SCMH1: variants seen among roughly 807,000 people sequenced by gnomAD.
The protein encoded by SCMH1 is Scm polycomb group protein homolog 1, also known as polycomb protein SCMH1.
In SCMH1, 37 loss-of-function variants were observed where a neutral mutation model predicts 70.8. The ratio of observed to expected loss-of-function variants is 0.52; its 90% confidence interval spans 0.40 to 0.69. The LOEUF (loss-of-function observed/expected upper bound fraction) is 0.69, where lower values mean the gene tolerates loss of function less well. SCMH1 is among the 30% of genes least tolerant of loss of function. SCMH1 has a pLI of 0.00. For missense variants in SCMH1, 607 were observed against 827.3 expected (o/e 0.73, Z 3.27); for synonymous variants, 292 against 307.4 (o/e 0.95, Z 0.52).
chr1:41,155,414 A>C (rs1308336896), intron 4 of SCMH1, among the ~76,000 whole-genome samples: 1 of 152,120 alleles, frequency 6.6e-6, no homozygotes, highest in African/African-American at 2.4e-5. Flanking sequence ...GCCCACATGG[A>C]GCTTACAACA....
At chr1:41,072,761 G>C (rs907669662) in intron 9 of SCMH1, among the ~76,000 whole-genome samples, 2 of 152,140 alleles carry the variant, frequency 1.3e-5, no homozygotes, top group Non-Finnish European at 2.9e-5. Flanking sequence ...AGCTACTTGG[G>C]AGGCTGAGGT....
intron 8 of SCMH1, among the ~76,000 whole-genome samples, chr1:41,084,977 TG>T (rs1211831819): frequency 2.0e-5 from 1 of 50,314 alleles, no homozygotes; most frequent in Non-Finnish European, 3.6e-5. Flanking sequence ...GGGACTGTTG[TG>T]GGGTGGGGGA....
intron 4 of SCMH1, 81 bp downstream of exon 4, chr1:41,160,794 C>T (rs1052538648): frequency 3.0e-6 from 4 of 1,318,256 alleles, no homozygotes; most frequent in Non-Finnish European, 4.3e-6. Flanking sequence ...TTCTTTTCCT[C>T]GTTGGTTAAA....
At chr1:41,205,496 C>T (rs547382870) in intron 1 of SCMH1, among the ~76,000 whole-genome samples, 42 of 152,318 alleles carry the variant, frequency 2.8e-4, no homozygotes, top group African/African-American at 9.9e-4. Flanking sequence ...GCTCTGAAGG[C>T]TGTGAGACCC....
In SCMH1 at chr1:41,037,552, G is replaced by GT. The variant is rs1308258725; in HGVS notation, c.1499-12dup. 2 of 1,612,922 alleles carry GT rather than the reference G, an allele frequency of 1.2e-6. No homozygotes were observed. The highest frequency in any genetic ancestry group is 1.7e-6 in the Non-Finnish European group (2 of 1,179,172). ...GGACAAAGGTTTCACCTGAAAAACAGTAAAACCAGAGTTAGAGCTTAGAAG... is the reference window on the plus strand; with the variant it reads ...GGACAAAGGTTTCACCTGAAAAACAGTTAAAACCAGAGTTAGAGCTTAGAAG... On this transcript the variant is annotated splice_polypyrimidine_tract_variant and intron_variant, in intron 12 of 14. Transcript: ENST00000337495.
intron 6 of SCMH1, among the ~76,000 whole-genome samples, chr1:41,122,557 T>A (rs994415777): frequency 6.6e-6 from 1 of 152,218 alleles, no homozygotes; most frequent in African/African-American, 2.4e-5. Context: ...ATTTATTAAA[T>A]GGGTGCCAAG....
At chr1:41,068,245 T>C (rs2148859978) in intron 10 of SCMH1, among the ~76,000 whole-genome samples, 1 of 152,232 alleles carries the variant, frequency 6.6e-6, no homozygotes, top group South Asian at 2.1e-4. Context: ...TTGGAAGATA[T>C]AGTTGAGGAA....
intron 1 of SCMH1, among the ~76,000 whole-genome samples, chr1:41,190,982 C>G (rs561377267): frequency 6.6e-6 from 1 of 152,300 alleles, no homozygotes; most frequent in East Asian, 1.9e-4. Flanking sequence ...TCACGCAATC[C>G]TCCCACCTCA....
chr1:41,199,728 T>C (rs1475523277), intron 1 of SCMH1, among the ~76,000 whole-genome samples: 1 of 136,436 alleles, frequency 7.3e-6, no homozygotes, highest in Admixed American at 8.4e-5. Context: ...GACTCCACAA[T>C]AGGGGGTGGG....
rs186148963 is a variant in SCMH1, at chr1:41,161,296, C to T, written c.82+68G>A. ...ATTTGTAAACTCAGACCTCTAACAA[C>T]GAAGGTTTTATGGGAAAAGATGCCG... On this transcript the variant is annotated intron_variant, in intron 3 of 14. Coordinates refer to ENST00000337495, the Ensembl canonical transcript of SCMH1. The T allele has an allele frequency of 7.9e-4, 1,225 of 1,544,382 alleles. 2 individuals are homozygous for T. Among genetic ancestry groups the T allele is most frequent in the Non-Finnish European group, 6.5e-4 (745 of 1,145,508 alleles).
intron 5 of SCMH1, among the ~76,000 whole-genome samples, chr1:41,149,667 C>T (rs1348237257): frequency 6.6e-6 from 1 of 152,064 alleles, no homozygotes; most frequent in Non-Finnish European, 1.5e-5. Flanking sequence ...TTGAGTTTTA[C>T]CTTTATGATT....
At chr1:41,130,777 T>C (rs1674484400) in intron 6 of SCMH1, among the ~76,000 whole-genome samples, 1 of 152,142 alleles carries the variant, frequency 6.6e-6, no homozygotes, top group African/African-American at 2.4e-5. Flanking sequence ...GCCCAATACC[T>C]ATTAGCAGCC....
intron 10 of SCMH1, among the ~76,000 whole-genome samples, chr1:41,050,052 T>TAA (rs950650965): frequency 7.0e-6 from 1 of 143,484 alleles, no homozygotes; most frequent in Non-Finnish European, 1.5e-5. Flanking sequence ...ACTCCGTCTT[T>TAA]AAAAAAAAAA....
chr1:41,110,987 G>A (rs552733405), intron 8 of SCMH1, among the ~76,000 whole-genome samples: 4 of 152,204 alleles, frequency 2.6e-5, no homozygotes, highest in Admixed American at 1.3e-4. Context: ...ATCCATGGGT[G>A]TGAAGTTGTA....
chr1:41,171,527 TA>T (rs35440227), intron 2 of SCMH1, among the ~76,000 whole-genome samples: 2,148 of 145,058 alleles, frequency 0.015, 19 homozygotes, highest in Non-Finnish European at 0.023. Flanking sequence ...CATTAAAAAT[TA>T]AAAAAAAAAA....
intron 1 of SCMH1, among the ~76,000 whole-genome samples, chr1:41,195,793 T>C (rs1310760466): frequency 2.6e-5 from 4 of 152,164 alleles, no homozygotes; most frequent in Admixed American, 1.3e-4. Context: ...TTGCAGATGA[T>C]ATACTCTTAT....
intron 10 of SCMH1, among the ~76,000 whole-genome samples, chr1:41,067,996 G>T (rs1438214441): frequency 6.6e-6 from 1 of 152,124 alleles, no homozygotes; most frequent in Non-Finnish European, 1.5e-5. Context: ...AAATTTCAAA[G>T]AACAACAAAA....
intron 1 of SCMH1, among the ~76,000 whole-genome samples, chr1:41,213,007 T>C (rs1657363781): frequency 2.0e-5 from 3 of 152,118 alleles, no homozygotes; most frequent in African/African-American, 7.2e-5. Context: ...ATGATCTGTA[T>C]GCCAGTAAAT....
chr1:41,235,829 C>T (rs575984841), intron 1 of SCMH1, among the ~76,000 whole-genome samples: 37 of 152,186 alleles, frequency 2.4e-4, no homozygotes, highest in Middle Eastern at 3.4e-3. Flanking sequence ...CTAAATAATA[C>T]GTGCATGTCA....
Sources: gnomAD v4.1 joint callset for allele counts (sites outside exome capture counted in the v4.1 genomes callset) on GRCh38, gnomAD v4.1.1 for gene constraint, MANE v1.5 for transcripts, NCBI Gene and HGNC (gene_info 2026-07-23, HGNC 2026-07-21) for gene names.